PTGFRN: variants seen among roughly 807,000 people sequenced by gnomAD.
PTGFRN encodes the protein prostaglandin F2 receptor negative regulator.
A neutral mutation model predicts 83.2 loss-of-function variants in PTGFRN; 35 were observed. The ratio of observed to expected loss-of-function variants is 0.42; its 90% CI spans 0.32 to 0.56. PTGFRN has a LOEUF of 0.56. PTGFRN is among the 20% of genes least tolerant of loss of function. PTGFRN has a pLI of 0.11. For synonymous variants in PTGFRN, 519 were observed against 498.6 expected (o/e 1.04, Z -0.55); for missense variants, 1,051 against 1,179.5 (o/e 0.89, Z 1.60).
chr1:116,935,818 T>C (rs1475929799), intron 1 of PTGFRN, among the ~76,000 whole-genome samples: 2 of 152,218 alleles, frequency 1.3e-5, no homozygotes, highest in African/African-American at 4.8e-5. Context: ...TTTTCTGGTA[T>C]TAAATTTTAA....
intron 1 of PTGFRN, among the ~76,000 whole-genome samples, chr1:116,928,309 A>C (rs1649704929): frequency 6.6e-6 from 1 of 152,160 alleles, no homozygotes; most frequent in East Asian, 1.9e-4. Context: ...TACTCCTTTC[A>C]GATTCCCTCC....
chr1:116,956,618 G>A (rs1650504947), intron 4 of PTGFRN, among the ~76,000 whole-genome samples: 1 of 152,254 alleles, frequency 6.6e-6, no homozygotes, highest in Non-Finnish European at 1.5e-5. Flanking sequence ...TCTGAGTGGA[G>A]TTGAGAAGGC....
intron 1 of PTGFRN, among the ~76,000 whole-genome samples, chr1:116,912,096 A>G (rs943864467): frequency 1.5e-4 from 23 of 152,160 alleles, no homozygotes; most frequent in Admixed American, 1.4e-3. Flanking sequence ...CTTGAGTAAT[A>G]ATGAAGGGAG....
At chr1:116,937,758 T>C (rs1649957951) in intron 1 of PTGFRN, among the ~76,000 whole-genome samples, 1 of 152,112 alleles carries the variant, frequency 6.6e-6, no homozygotes, top group Non-Finnish European at 1.5e-5. Flanking sequence ...CATTAGGAAA[T>C]TCCTCTGTAA....
At chr1:116,929,954 G>C (rs990357217) in intron 1 of PTGFRN, among the ~76,000 whole-genome samples, 2 of 152,108 alleles carry the variant, frequency 1.3e-5, no homozygotes, top group African/African-American at 4.8e-5. Flanking sequence ...TTGAAAATGC[G>C]CTTTCCTGGA....
intron 6 of PTGFRN, among the ~76,000 whole-genome samples, chr1:116,970,563 T>G (rs1306252287): frequency 6.6e-6 from 1 of 152,180 alleles, no homozygotes; most frequent in African/African-American, 2.4e-5. Context: ...GGATGTTGAG[T>G]CTATTCCTCA....
chr1:116,910,638 G>C (rs148145562), intron 1 of PTGFRN, among the ~76,000 whole-genome samples: 1,675 of 152,106 alleles, frequency 0.011, 89 homozygotes, highest in Admixed American at 0.099. Context: ...TCCTCGGCTC[G>C]AGAGCGGAAA....
In PTGFRN at chr1:116,909,931, G is replaced by A. The variant is rs1334193391; in HGVS notation, c.-273G>A. ...TGCGGTTCTTCCCTTCTGCTTTCGG[G>A]AAGCGGTCGGGGCTGCACACTCGGA... On this transcript the variant is annotated 5_prime_UTR_variant, in exon 1 of 9. Coordinates refer to ENST00000393203, the MANE Select transcript of PTGFRN (RefSeq NM_020440.4). The A allele has an allele frequency of 2.1e-6, 1 of 482,648 alleles. No homozygotes were observed. 29.9% of individuals were successfully genotyped at this position (482,648 alleles called of 1,614,324 possible). A position where few individuals can be genotyped will look rare whatever the true frequency, so the allele number is the denominator to read the frequency against.
At position 116,944,713 on chromosome 1, in the gene PTGFRN, G is replaced by T. The variant is rs1202231054; in HGVS notation, c.453G>T (p.Ala151=). The change falls in exon 3 of 9, where the codon GCG becomes GCT. Residue 151 remains alanine, a synonymous_variant. Transcript: ENST00000393203. ...ACTCCCTGCACGTGGGCCCCAGCGCGCGGCCCCCGCCGAGCCTGAGCCTGC... is the reference window on the plus strand; with the variant it reads ...ACTCCCTGCACGTGGGCCCCAGCGCTCGGCCCCCGCCGAGCCTGAGCCTGC... The part of the protein sequence containing the change: ...LADSLHVGPS[A]RPPPSLSLRE... 2 of 1,414,048 alleles carry T rather than the reference G, an allele frequency of 1.4e-6. No homozygotes were observed. Among genetic ancestry groups the T allele is most frequent in the Non-Finnish European group, 1.8e-6 (2 of 1,090,376 alleles). 87.6% of individuals were successfully genotyped at this position (1,414,048 alleles called of 1,614,324 possible).
At chr1:116,954,121 G>A (rs752458353) in intron 4 of PTGFRN, among the ~76,000 whole-genome samples, 1 of 152,100 alleles carries the variant, frequency 6.6e-6, no homozygotes, top group Non-Finnish European at 1.5e-5. Flanking sequence ...GCCTCCCAAA[G>A]TGCTGGGATT....
chr1:116,944,863 C>G lies in PTGFRN; in HGVS notation c.603C>G (p.His201Gln), dbSNP rs755883269. 9 of 1,604,418 alleles carry G rather than the reference C, an allele frequency of 5.6e-6. No individual in the cohort carries two copies. The Admixed American group carries it at 1.5e-4, about 27-fold the overall frequency. ...GGCGGAGCGTCCTCGCCCTGACCCA[C>G]GAGGGCAGGTTCCACCCGGGCCTGG... ...PARRSVLALT[H>Q]EGRFHPGLGY... is the part of the protein sequence containing the mutation. The change falls in exon 3 of 9, where the codon CAC (histidine) becomes CAG (glutamine). Residue 201 changes from histidine (H) to glutamine (Q), a missense_variant. Transcript: ENST00000393203.
At chr1:116,948,468 G>C (rs1455411970) in intron 3 of PTGFRN, among the ~76,000 whole-genome samples, 1 of 152,168 alleles carries the variant, frequency 6.6e-6, no homozygotes, top group African/African-American at 2.4e-5. Context: ...TTTTATGTGG[G>C]AATGTCTAAG....
At position 116,972,258 on chromosome 1, in the gene PTGFRN, C is replaced by T. The variant is rs192673196; in HGVS notation, c.2060-1958C>T. On this transcript the variant is annotated intron_variant, in intron 6 of 8. Transcript: ENST00000393203. ...TCCTTGTCTTTGCTTTCATCCCTTT[C>T]CCCATTTCCTGGAACAGCCATTCTG... is the stretch of plus-strand genomic sequence containing the variant. Among the ~76,000 whole-genome samples the T allele has an allele frequency of 4.5e-3, 692 of 152,316 alleles. 8 individuals carry two copies. The highest frequency in any genetic ancestry group is 0.02 in the Middle Eastern group (6 of 294).
At position 116,985,798 on chromosome 1, in the gene PTGFRN, C is replaced by T. The variant is rs558098064; in HGVS notation, c.2473+813C>T. Reference sequence around the variant, plus strand: ...AGATGGGAGGATGAGCTCCCAGCCTCGTTGGCCCACGATGAACACCAGGGT... The same window carrying T: ...AGATGGGAGGATGAGCTCCCAGCCTTGTTGGCCCACGATGAACACCAGGGT... On this transcript the variant is annotated intron_variant, in intron 8 of 8. Transcript: ENST00000393203. Among the ~76,000 whole-genome samples the T allele has an allele frequency of 1.4e-4, 22 of 152,186 alleles. No homozygotes were observed. In the South Asian group the frequency reaches 3.7e-3, roughly 26 times the overall value.
intron 7 of PTGFRN, among the ~76,000 whole-genome samples, chr1:116,983,522 A>T (rs1651378826): frequency 6.9e-6 from 1 of 145,420 alleles, no homozygotes; most frequent in Non-Finnish European, 1.5e-5. Flanking sequence ...AAAAAAAAAA[A>T]TTATGCTCAA....
At chr1:116,911,264 C>T (rs1649266498) in intron 1 of PTGFRN, among the ~76,000 whole-genome samples, 1 of 152,206 alleles carries the variant, frequency 6.6e-6, no homozygotes, top group African/African-American at 2.4e-5. Context: ...GGTTCTCTTC[C>T]AAGCCCCTAG....
At chr1:116,983,799 A>G (rs1314927753) in intron 7 of PTGFRN, among the ~76,000 whole-genome samples, 1 of 152,160 alleles carries the variant, frequency 6.6e-6, no homozygotes. Context: ...TCTCAAGTGG[A>G]TTTAAGACAA....
intron 4 of PTGFRN, 47 bp downstream of exon 4, chr1:116,949,619 C>T (rs776160165): frequency 1.9e-6 from 3 of 1,558,984 alleles, no homozygotes; most frequent in Non-Finnish European, 2.6e-6. Flanking sequence ...CTTAACCCCT[C>T]CTCGGAGTTA....
chr1:116,938,249 C>CTA (rs2101061309), intron 1 of PTGFRN, among the ~76,000 whole-genome samples: 1 of 152,268 alleles, frequency 6.6e-6, no homozygotes, highest in African/African-American at 2.4e-5. Flanking sequence ...GGCTATAATG[C>CTA]TATAATCCCA....
Sources: gnomAD v4.1 joint callset for allele counts (sites outside exome capture counted in the v4.1 genomes callset) on GRCh38, gnomAD v4.1.1 for gene constraint, MANE v1.5 for transcripts, NCBI Gene and HGNC (gene_info 2026-07-23, HGNC 2026-07-21) for gene names.